Variants in DNAH14 observed in about 807,000 individuals in gnomAD.
DNAH14 encodes dynein axonemal heavy chain 14, also known as axonemal beta dynein heavy chain 14.
In DNAH14, 478 loss-of-function variants were observed where a neutral mutation model predicts 520.9. The ratio of observed to expected loss-of-function variants is 0.92; its 90% confidence interval spans 0.85 to 0.99. The LOEUF is 0.99. Among genes scored for constraint, DNAH14 ranks in the 50% least tolerant of loss-of-function variants. The pLI, the probability that DNAH14 is intolerant of heterozygous loss-of-function variation, is 0.00. For synonymous variants in DNAH14, 1,581 were observed against 1,757.2 expected (o/e 0.90, Z 2.51); for missense variants, 4,831 against 5,234.5 (o/e 0.92, Z 2.38).
chr1:225,325,887 C>T lies in DNAH14; in HGVS notation c.9723+1055C>T, dbSNP rs552844710. ...TTCCCACTTGGCTGTAGGCAGCCCCCACTCACTTCAAGCATTTCTGCTACC... is the reference window on the plus strand; with the variant it reads ...TTCCCACTTGGCTGTAGGCAGCCCCTACTCACTTCAAGCATTTCTGCTACC... On this transcript the variant is annotated intron_variant, in intron 64 of 85. Transcript: ENST00000682510. Among the ~76,000 whole-genome samples, 7 of 152,316 alleles carry T rather than the reference C, an allele frequency of 4.6e-5. No individual in the cohort carries two copies. In the South Asian group the frequency reaches 1.5e-3, roughly 32 times the overall value.
At chr1:224,969,459 A>G (rs1244062740) in intron 7 of DNAH14, 4 of 161,912 alleles carry the variant, frequency 2.5e-5, no homozygotes, top group African/African-American at 9.6e-5. Flanking sequence ...TATATACTGT[A>G]TTCTTACAAT....
chr1:225,215,787 G>T (rs1279080414), intron 41 of DNAH14, among the ~76,000 whole-genome samples: 1 of 152,086 alleles, frequency 6.6e-6, no homozygotes, highest in Non-Finnish European at 1.5e-5. Flanking sequence ...GCCTGTATGT[G>T]TCTCTGCACA....
At chr1:225,120,425 AC>A (rs2148877491) in intron 26 of DNAH14, among the ~76,000 whole-genome samples, 1 of 152,266 alleles carries the variant, frequency 6.6e-6, no homozygotes, top group African/African-American at 2.4e-5. Flanking sequence ...AGGCTGCATG[AC>A]CCCTAAACCG....
intron 27 of DNAH14, among the ~76,000 whole-genome samples, chr1:225,126,178 A>G (rs2077699726): frequency 6.6e-6 from 1 of 152,228 alleles, no homozygotes; most frequent in Non-Finnish European, 1.5e-5. Flanking sequence ...TCTGAGAATT[A>G]CCAAAATGTG....
Position 225,356,719 on chromosome 1 carries a change from T to C in DNAH14, c.11620-1777T>C, listed in dbSNP as rs560570300. ...ACAATATATCTGGGGAGTAACAATA[T>C]AAGAAACAACGTATCTAGGGAGTAA... On this transcript the variant is annotated intron_variant, in intron 73 of 85. Coordinates refer to ENST00000682510, the MANE Select transcript of DNAH14 (RefSeq NM_001367479.1). Among the ~76,000 whole-genome samples, 92 of 152,268 alleles carry C rather than the reference T, an allele frequency of 6.0e-4. 1 individual carries two copies. The South Asian group carries it at 0.018, about 31-fold the overall frequency.
intron 17 of DNAH14, among the ~76,000 whole-genome samples, chr1:225,059,796 G>T (rs11487466): frequency 6.6e-6 from 1 of 151,978 alleles, no homozygotes; most frequent in Non-Finnish European, 1.5e-5. Flanking sequence ...AGCTTAGTTT[G>T]GCTGGATATG....
At chr1:225,045,145 A>T (rs1358392974) in intron 15 of DNAH14, among the ~76,000 whole-genome samples, 2 of 152,206 alleles carry the variant, frequency 1.3e-5, no homozygotes, top group East Asian at 3.9e-4. Context: ...CTAAGTTCTT[A>T]CCAATCTTTC....
At chr1:224,969,003 T>C (rs1361755821) in intron 7 of DNAH14, 129 bp downstream of exon 7, 3 of 602,968 alleles carry the variant, frequency 5.0e-6, no homozygotes, top group Admixed American at 4.1e-5. Flanking sequence ...TATCTAAAAA[T>C]TTTTTACGGA....
chr1:225,383,462 G>C (rs988951778), intron 81 of DNAH14, among the ~76,000 whole-genome samples: 1 of 152,170 alleles, frequency 6.6e-6, no homozygotes, highest in African/African-American at 2.4e-5. Flanking sequence ...GAAACAGCTA[G>C]GACTCCACAC....
intron 68 of DNAH14, 95 bp from the exon 69 acceptor site, chr1:225,340,362 C>G (rs901237215): frequency 7.6e-7 from 1 of 1,318,484 alleles, no homozygotes; most frequent in African/African-American, 1.5e-5. Context: ...ATCTTGTGTA[C>G]TTCCAGGAAA....
chr1:225,300,126 A>G (rs1159818599), intron 55 of DNAH14, among the ~76,000 whole-genome samples: 2 of 152,138 alleles, frequency 1.3e-5, no homozygotes, highest in Non-Finnish European at 2.9e-5. Flanking sequence ...TTGAGGCCCT[A>G]TATAGATATG....
chr1:225,117,905 A>G lies in DNAH14; in HGVS notation c.3997A>G (p.Asn1333Asp), dbSNP rs1442464537. 5 of 1,549,974 alleles carry G rather than the reference A, an allele frequency of 3.2e-6. No homozygotes were observed. In the South Asian group the frequency reaches 4.8e-5, roughly 15 times the overall value. The change falls in exon 25 of 86, where the codon AAT becomes GAT. Residue 1333 changes from asparagine (N) to aspartate (D), a missense_variant. Asn to Asp is a conservative substitution (Grantham distance 23, BLOSUM62 1). Coordinates refer to ENST00000682510, the MANE Select transcript of DNAH14 (RefSeq NM_001367479.1). ...VQPHLVKCFE[N>D]IKQLLIWKQD... Reference sequence around the variant, plus strand: ...GCCTCATCTTGTGAAATGCTTTGAAAATATAAAACAATTATTGATATGGAA... The same window carrying G: ...GCCTCATCTTGTGAAATGCTTTGAAGATATAAAACAATTATTGATATGGAA...
chr1:224,942,224 A>T lies in DNAH14; in HGVS notation c.-33-10446A>T, dbSNP rs368566372. Among the ~76,000 whole-genome samples, 195 of 152,238 alleles carry T rather than the reference A, an allele frequency of 1.3e-3. 1 individual carries two copies. The East Asian group carries it at 0.027, about 21-fold the overall frequency. Reference sequence around the variant, plus strand: ...AGTTCTCCTTGAAGAGGTCCTTCACATCCCTTGTAAGTTGGATTCCTAGGT... The same window carrying T: ...AGTTCTCCTTGAAGAGGTCCTTCACTTCCCTTGTAAGTTGGATTCCTAGGT... On this transcript the variant is annotated intron_variant, in intron 1 of 85. Transcript: ENST00000682510.
At chr1:225,263,284 A>G (rs2093004067) in intron 46 of DNAH14, among the ~76,000 whole-genome samples, 1 of 150,936 alleles carries the variant, frequency 6.6e-6, no homozygotes, top group Admixed American at 6.6e-5. Flanking sequence ...GATATCTTAT[A>G]AACATTTCAA....
chr1:225,190,747 T>C (rs992401355), intron 37 of DNAH14, among the ~76,000 whole-genome samples: 4 of 152,018 alleles, frequency 2.6e-5, no homozygotes, highest in African/African-American at 9.7e-5. Flanking sequence ...GAGAAGGCAG[T>C]TATCAGCAAG....
intron 41 of DNAH14, among the ~76,000 whole-genome samples, chr1:225,217,364 G>A (rs1559325271): frequency 6.6e-6 from 1 of 150,682 alleles, no homozygotes; most frequent in Middle Eastern, 3.2e-3. Flanking sequence ...CTCACTTGAG[G>A]AGGCAGTCTG....
intron 38 of DNAH14, among the ~76,000 whole-genome samples, chr1:225,200,074 T>C (rs2086632075): frequency 6.6e-6 from 1 of 152,204 alleles, no homozygotes; most frequent in Admixed American, 6.5e-5. Flanking sequence ...AGGCCTTTTA[T>C]CATTATATAA....
chr1:225,006,622 G>A (rs1316035416), intron 9 of DNAH14, among the ~76,000 whole-genome samples: 2 of 152,168 alleles, frequency 1.3e-5, no homozygotes, highest in African/African-American at 2.4e-5. Context: ...TTCCAGCCTG[G>A]TGAATTCTAG....
chr1:225,147,008 G>T (rs2080010138), intron 30 of DNAH14, 96 bp from the exon 31 acceptor site: 2 of 983,602 alleles, frequency 2.0e-6, no homozygotes, highest in Admixed American at 2.9e-5. Flanking sequence ...TGCTTGGTTT[G>T]GGTAGCATGG....
Sources: gnomAD v4.1 joint callset for allele counts (sites outside exome capture counted in the v4.1 genomes callset) on GRCh38, gnomAD v4.1.1 for gene constraint, MANE v1.5 for transcripts, NCBI Gene and HGNC (gene_info 2026-07-23, HGNC 2026-07-21) for gene names.